PARP15: variants seen among roughly 807,000 people sequenced by gnomAD.
The protein encoded by PARP15 is poly(ADP-ribose) polymerase family member 15, also known as protein mono-ADP-ribosyltransferase PARP15.
Under a neutral mutation model 62.1 loss-of-function variants are expected in PARP15, and 50 were observed. That is an observed-to-expected ratio of 0.81 (90% CI 0.64 to 1.02). The LOEUF (loss-of-function observed/expected upper bound fraction) is 1.02. Among genes scored for constraint, PARP15 ranks in the 50% least tolerant of loss-of-function variants. The probability of loss-of-function intolerance (pLI) is 0.00; values close to 1 mark genes in which losing one functional copy is unlikely to be tolerated. For synonymous variants in PARP15, 309 were observed against 293.1 expected (o/e 1.05, Z -0.55); for missense variants, 820 against 826.5 (o/e 0.99, Z 0.10).
At chr3:122,619,745 A>G in intron 6 of PARP15, 36 bp from the exon 7 acceptor site, 1 of 1,522,808 alleles carries the variant, frequency 6.6e-7, no homozygotes, top group Non-Finnish European at 9.1e-7. Flanking sequence ...ATTGAATTCT[A>G]ACTGATGCCT....
At chr3:122,583,114 C>CTT (rs67942585) in intron 1 of PARP15, among the ~76,000 whole-genome samples, 4,106 of 83,144 alleles carry the variant, frequency 0.049, 444 homozygotes, top group African/African-American at 0.13. Flanking sequence ...TCATCTGTAT[C>CTT]TTTTTTTTTT....
intron 9 of PARP15, among the ~76,000 whole-genome samples, chr3:122,630,628 A>G (rs1264054866): frequency 6.6e-6 from 1 of 152,154 alleles, no homozygotes; most frequent in Non-Finnish European, 1.5e-5. Context: ...GCAGTGATCC[A>G]TGATTGTGTC....
At chr3:122,602,821 T>A (rs935865938) in intron 1 of PARP15, among the ~76,000 whole-genome samples, 1 of 152,232 alleles carries the variant, frequency 6.6e-6, no homozygotes, top group African/African-American at 2.4e-5. Context: ...TATGGCTAAG[T>A]AAACATGCAT....
At chr3:122,593,090 G>GTCTGTCTATCTA (rs1553727450) in intron 1 of PARP15, among the ~76,000 whole-genome samples, 5 of 147,752 alleles carry the variant, frequency 3.4e-5, no homozygotes, top group Admixed American at 2.0e-4. Flanking sequence ...AAAATTATCT[G>GTCTGTCTATCTA]TCTATCTATC....
intron 1 of PARP15, among the ~76,000 whole-genome samples, chr3:122,591,831 G>A (rs1933950984): frequency 6.6e-6 from 1 of 150,944 alleles, no homozygotes; most frequent in African/African-American, 2.4e-5. Flanking sequence ...GCAAACTATG[G>A]TTGCATGCTA....
intron 1 of PARP15, among the ~76,000 whole-genome samples, chr3:122,600,541 T>A (rs762164360): frequency 1.8e-4 from 27 of 152,136 alleles, no homozygotes; most frequent in African/African-American, 2.4e-5. Context: ...TCTCTACTCC[T>A]GCAAGTTAAA....
At chr3:122,614,848 G>A (rs1489191537) in intron 4 of PARP15, among the ~76,000 whole-genome samples, 1 of 151,942 alleles carries the variant, frequency 6.6e-6, no homozygotes, top group East Asian at 1.9e-4. Context: ...GTGCCACATG[G>A]CAAAACCTCA....
At chr3:122,579,999 G>GTATATATATATATATATA (rs59527124) in intron 1 of PARP15, among the ~76,000 whole-genome samples, 12 of 64,450 alleles carry the variant, frequency 1.9e-4, no homozygotes, top group East Asian at 5.2e-4. Flanking sequence ...GCAACTATAT[G>GTATATATATATATATATA]TATATATATA....
chr3:122,590,534 A>G (rs1933822847), intron 1 of PARP15, among the ~76,000 whole-genome samples: 1 of 152,238 alleles, frequency 6.6e-6, no homozygotes, highest in Non-Finnish European at 1.5e-5. Context: ...TCGGCCTCCC[A>G]AAGTGCTGGG....
At chr3:122,596,388 C>T (rs1322317947) in intron 1 of PARP15, among the ~76,000 whole-genome samples, 3 of 125,286 alleles carry the variant, frequency 2.4e-5, no homozygotes, top group Non-Finnish European at 3.4e-5. Context: ...AAAGCATAAA[C>T]GTAACATGTC....
intron 6 of PARP15, among the ~76,000 whole-genome samples, chr3:122,617,623 G>A (rs754198919): frequency 1.3e-5 from 2 of 152,102 alleles, no homozygotes; most frequent in East Asian, 1.9e-4. Context: ...AAACGCAACC[G>A]TTTTTCTTTA....
intron 3 of PARP15, among the ~76,000 whole-genome samples, chr3:122,612,714 C>A (rs2107541141): frequency 6.6e-6 from 1 of 152,076 alleles, no homozygotes; most frequent in East Asian, 1.9e-4. Context: ...TGCTGGGAGC[C>A]ACCGCGCCCT....
intron 8 of PARP15, among the ~76,000 whole-genome samples, chr3:122,625,473 C>T (rs1936662283): frequency 6.6e-6 from 1 of 152,140 alleles, no homozygotes; most frequent in Non-Finnish European, 1.5e-5. Flanking sequence ...GGTCCAGTCT[C>T]AAACTCCTGA....
chr3:122,636,150 A>G lies in PARP15; in HGVS notation c.*50A>G, dbSNP rs1937362430. 1 of 1,532,932 alleles carries G rather than the reference A, an allele frequency of 6.5e-7. No homozygotes were observed. Among genetic ancestry groups the G allele is most frequent in the South Asian group, 1.2e-5 (1 of 81,626 alleles). The allele number at this position is 1,532,932 out of a possible 1,614,324, so 95.0% of individuals were successfully genotyped here. A position where few individuals can be genotyped will look rare whatever the true frequency, so the allele number is the denominator to read the frequency against. ...GATTTAAGTCATCTGTAAGAACAAC[A>G]TGCAATCTTTGTCTTTGCTTCTGGC... On this transcript the variant is annotated 3_prime_UTR_variant, in exon 12 of 12. Transcript: ENST00000464300.
At chr3:122,607,555 T>G (rs1160094746) in intron 2 of PARP15, among the ~76,000 whole-genome samples, 1 of 152,230 alleles carries the variant, frequency 6.6e-6, no homozygotes, top group Admixed American at 6.5e-5. Flanking sequence ...ATTATCATTA[T>G]CCCCTTATGA....
intron 9 of PARP15, among the ~76,000 whole-genome samples, chr3:122,631,698 CA>C (rs1329610437): frequency 3.3e-5 from 5 of 152,162 alleles, no homozygotes; most frequent in African/African-American, 9.6e-5. Flanking sequence ...TAATCATTTT[CA>C]AAAAATAGAA....
intron 6 of PARP15, among the ~76,000 whole-genome samples, chr3:122,619,500 C>A (rs1292070529): frequency 6.6e-6 from 1 of 152,040 alleles, no homozygotes; most frequent in Non-Finnish European, 1.5e-5. Context: ...GGGTAGAATG[C>A]AAAAAATTTC....
Position 122,635,884 on chromosome 3 carries a change from A to C in PARP15, c.1821A>C (p.Pro607=), listed in dbSNP as rs202111356. Residue 607 remains proline, a synonymous_variant, in exon 12 of 12, where the codon CCA becomes CCC. Coordinates refer to ENST00000464300, the MANE Select transcript of PARP15 (RefSeq NM_001113523.3). ...CTGCCAAGGACACCTACTCCAAGCC[A>C]GACAGCAATGGGAGAAAGCACATGT... ...SYSAKDTYSK[P]DSNGRKHMYV... is the part of the protein sequence containing the mutation. 1 of 1,614,022 alleles carries C rather than the reference A, an allele frequency of 6.2e-7. No homozygotes were observed. The highest frequency in any genetic ancestry group is 1.1e-5 in the South Asian group (1 of 91,084).
chr3:122,583,140 G>A (rs1179698509), intron 1 of PARP15, among the ~76,000 whole-genome samples: 1 of 57,638 alleles, frequency 1.7e-5, no homozygotes, highest in Non-Finnish European at 3.4e-5. Context: ...TTTTTTTTGA[G>A]ATGGAGTATT....
Sources: allele counts gnomAD v4.1 joint callset (sites outside exome capture counted in the v4.1 genomes callset), GRCh38; gene constraint gnomAD v4.1.1; transcripts MANE v1.5; gene names NCBI Gene and HGNC (gene_info 2026-07-23, HGNC 2026-07-21).